Variants in PCDH15 observed in about 807,000 individuals in gnomAD.
PCDH15 encodes protocadherin-15.
In PCDH15, 129 loss-of-function variants were observed where a neutral mutation model predicts 178.5. The observed-to-expected ratio is 0.72, with a 90% CI of 0.63 to 0.84. The LOEUF (loss-of-function observed/expected upper bound fraction) is 0.84, where lower values mean the gene tolerates loss of function less well. Among genes scored for constraint, PCDH15 ranks in the 40% least tolerant of loss-of-function variants. The pLI is 0.00. For missense variants in PCDH15, 2,230 were observed against 2,099.9 expected, an observed-to-expected ratio of 1.06 and a Z score of -1.21; for synonymous variants, 800 against 732.0, an observed-to-expected ratio of 1.09 and a Z score of -1.50.
chr10:54,984,654 C>A (rs1052130136), intron 2 of PCDH15, among the ~76,000 whole-genome samples: 3 of 152,082 alleles, frequency 2.0e-5, no homozygotes, highest in African/African-American at 7.2e-5. Flanking sequence ...GCCTGGGCAA[C>A]ATCGTAAGAC....
chr10:55,538,924 T>C (rs1309628681), intron 2 of PCDH15, among the ~76,000 whole-genome samples: 20 of 34,332 alleles, frequency 5.8e-4, no homozygotes, highest in East Asian at 3.7e-3. Context: ...CCTTCCTTCC[T>C]TCCTCCTTTC....
chr10:55,250,885 A>T (rs533141206), intron 1 of PCDH15, among the ~76,000 whole-genome samples: 1 of 152,132 alleles, frequency 6.6e-6, no homozygotes, highest in East Asian at 1.9e-4. Context: ...TGCTTTCTAT[A>T]CATATCATAA....
chr10:55,247,493 G>T (rs1280499135), intron 1 of PCDH15, among the ~76,000 whole-genome samples: 5 of 152,134 alleles, frequency 3.3e-5, no homozygotes, highest in Non-Finnish European at 7.4e-5. Context: ...TTTTGGGCTG[G>T]AGGTGGCATT....
At chr10:53,861,757 A>ATC (rs2079120313) in intron 27 of PCDH15, among the ~76,000 whole-genome samples, 1 of 152,136 alleles carries the variant, frequency 6.6e-6, no homozygotes, top group African/African-American at 2.4e-5. Flanking sequence ...CTTATAGTAC[A>ATC]TCTCCGTGTG....
rs368105698 is a variant in PCDH15, at chr10:54,064,970, C to A, written c.2220+1787G>T. Among the ~76,000 whole-genome samples, 130 of 152,290 alleles carry A rather than the reference C, an allele frequency of 8.5e-4. 5 individuals carry two copies. In the South Asian group the frequency reaches 0.027, roughly 31 times the overall value. On this transcript the variant is annotated intron_variant, in intron 18 of 37. Coordinates refer to ENST00000644397, the MANE Select transcript of PCDH15 (RefSeq NM_001384140.1). ...CCTGCTCCTTGCTCCCACCGGCTCC[C>A]TGGAGCATTTAGCCCAGGTCATACC... is the stretch of plus-strand genomic sequence containing the variant.
At position 54,522,476 on chromosome 10, in the gene PCDH15, A is replaced by T. The variant is rs188351097; in HGVS notation, c.157+5336T>A. On this transcript the variant is annotated intron_variant, in intron 3 of 37. Coordinates refer to ENST00000644397, the MANE Select transcript of PCDH15 (RefSeq NM_001384140.1). ...AATTCCCTGGATGAATGCATGGCTC[A>T]CATCTTCAGTCTTAACTTTATGCAG... Among the ~76,000 whole-genome samples, 3 of 152,320 alleles carry T rather than the reference A, an allele frequency of 2.0e-5. No individual in the cohort carries two copies. In the East Asian group the frequency reaches 5.8e-4, roughly 29 times the overall value.
chr10:54,129,921 T>C (rs1457319396), intron 15 of PCDH15, among the ~76,000 whole-genome samples: 2 of 152,096 alleles, frequency 1.3e-5, no homozygotes, highest in African/African-American at 2.4e-5. Flanking sequence ...AGATGATACA[T>C]GGAAATTTTG....
chr10:55,361,448 T>C (rs984739443), intron 2 of PCDH15, among the ~76,000 whole-genome samples: 1 of 152,060 alleles, frequency 6.6e-6, no homozygotes, highest in Non-Finnish European at 1.5e-5. Flanking sequence ...CTGAATATTC[T>C]AAGTAAAACG....
intron 2 of PCDH15, among the ~76,000 whole-genome samples, chr10:55,605,068 C>T (rs1415886129): frequency 1.3e-5 from 2 of 151,554 alleles, no homozygotes; most frequent in African/African-American, 4.8e-5. Flanking sequence ...GGGGATATCA[C>T]CACCGATCCC....
At chr10:54,301,429 A>G (rs913170689) in intron 8 of PCDH15, among the ~76,000 whole-genome samples, 7 of 152,212 alleles carry the variant, frequency 4.6e-5, no homozygotes, top group South Asian at 2.1e-4. Context: ...ATTCCATTGT[A>G]CTAAGTTTGT....
chr10:54,079,903 G>A (rs1590286616), intron 16 of PCDH15, among the ~76,000 whole-genome samples: 1 of 152,068 alleles, frequency 6.6e-6, no homozygotes, highest in Middle Eastern at 3.5e-3. Flanking sequence ...ATGGATAAAA[G>A]TTTTTCTTTT....
chr10:54,765,320 A>G lies in PCDH15; in HGVS notation c.-29+35605T>C, dbSNP rs372962394. 2.0e-4 allele frequency among the ~76,000 whole-genome samples: 30 copies of G among 152,260 alleles called. 1 individual carries two copies. In the East Asian group the frequency reaches 4.6e-3, roughly 24 times the overall value. On this transcript the variant is annotated intron_variant, in intron 1 of 37. Transcript: ENST00000644397. ...ATCGTAAATGCTGACATTTATTGGG[A>G]AAATGGAATAAATTACATGCGCTAT...
chr10:54,267,288 A>C (rs1355335455), intron 8 of PCDH15, among the ~76,000 whole-genome samples: 1 of 151,910 alleles, frequency 6.6e-6, no homozygotes, highest in Admixed American at 6.6e-5. Flanking sequence ...AAATAATAAG[A>C]ACCATCTATT....
At chr10:53,953,337 A>G (rs1185298789) in intron 23 of PCDH15, among the ~76,000 whole-genome samples, 1 of 152,250 alleles carries the variant, frequency 6.6e-6, no homozygotes, top group Non-Finnish European at 1.5e-5. Flanking sequence ...TCCATAAAAG[A>G]TTGATGTGAA....
At chr10:54,754,173 A>G (rs1054364557) in intron 1 of PCDH15, among the ~76,000 whole-genome samples, 3 of 109,854 alleles carry the variant, frequency 2.7e-5, no homozygotes, top group Non-Finnish European at 6.5e-5. Context: ...TAGTAATTTC[A>G]TAGTGGTTTG....
At chr10:55,124,403 A>G (rs1349790094) in intron 2 of PCDH15, among the ~76,000 whole-genome samples, 1 of 152,182 alleles carries the variant, frequency 6.6e-6, no homozygotes, top group Non-Finnish European at 1.5e-5. Context: ...ATTTCGAATG[A>G]TGTAAACATG....
At chr10:55,574,816 A>C (rs1842467845) in intron 2 of PCDH15, among the ~76,000 whole-genome samples, 2 of 152,020 alleles carry the variant, frequency 1.3e-5, no homozygotes, top group Non-Finnish European at 2.9e-5. Context: ...TATTATACTA[A>C]GGAAACCTGG....
At chr10:54,839,805 T>C in intron 3 of PCDH15, among the ~76,000 whole-genome samples, 1 of 151,976 alleles carries the variant, frequency 6.6e-6, no homozygotes, top group Non-Finnish European at 1.5e-5. Flanking sequence ...AGCATAAGGT[T>C]ATCAGCGTAT....
At chr10:55,098,223 A>T (rs1842489094) in intron 2 of PCDH15, among the ~76,000 whole-genome samples, 1 of 152,174 alleles carries the variant, frequency 6.6e-6, no homozygotes, top group South Asian at 2.1e-4. Context: ...TTTCCAGACG[A>T]GGAAATTAAG....
Sources: gnomAD v4.1 joint callset for allele counts (sites outside exome capture counted in the v4.1 genomes callset) on GRCh38, gnomAD v4.1.1 for gene constraint, MANE v1.5 for transcripts, NCBI Gene and HGNC (gene_info 2026-07-23, HGNC 2026-07-21) for gene names.